CEP44: variants seen among roughly 807,000 people sequenced by gnomAD.
CEP44 encodes the protein centrosomal protein of 44 kDa.
In CEP44, 45 loss-of-function variants were observed where a neutral mutation model predicts 46.7. The observed-to-expected ratio is 0.96, with a 90% CI of 0.76 to 1.24. The LOEUF (loss-of-function observed/expected upper bound fraction) is 1.24. Among genes scored for constraint, CEP44 ranks in the 50% most tolerant of loss-of-function variants. The pLI, the probability that CEP44 is intolerant of heterozygous loss-of-function variation, is 0.00. For missense variants in CEP44, 475 were observed against 459.7 expected (o/e 1.03, Z -0.30); for synonymous variants, 142 against 146.0 (o/e 0.97, Z 0.20).
upstream of CEP44, chr4:174,283,745 C>A: frequency 5.0e-6 from 2 of 397,726 alleles, no homozygotes; most frequent in Non-Finnish European, 8.8e-6. This position sits in a 1 kb window ranked among gnomAD's most constrained non-coding sequence, Gnocchi z 6.7. Flanking sequence ...CTATAGATTC[C>A]TTGTTTCTCA....
At chr4:174,327,917 T>TAA (rs1301496605) in intron 8 of CEP44, among the ~76,000 whole-genome samples, 3 of 152,162 alleles carry the variant, frequency 2.0e-5, no homozygotes, top group African/African-American at 7.2e-5. Flanking sequence ...TATATGAATA[T>TAA]TAAAGTTGGA....
At chr4:174,320,681 G>T (rs1308834620), downstream of CEP44, among the ~76,000 whole-genome samples, 2 of 79,844 alleles carry the variant, frequency 2.5e-5, no homozygotes, top group Admixed American at 1.3e-4. Context: ...TACTGAGTGT[G>T]CTCTGTGTGT....
At chr4:174,320,331 A>T (rs1331258633), downstream of CEP44, 1 of 972,864 alleles carries the variant, frequency 1.0e-6, no homozygotes, top group Admixed American at 6.2e-5. Context: ...AAACGTTGGG[A>T]CTTTGTTTCA....
At position 174,329,074 on chromosome 4, in the gene CEP44, G is replaced by A. The variant is rs1731172861; in HGVS notation, c.1087-2408G>A. Among the ~76,000 whole-genome samples, 1 of 152,102 alleles carries A rather than the reference G, an allele frequency of 6.6e-6. No homozygotes were observed. The highest frequency in any genetic ancestry group is 2.4e-5 in the African/African-American group (1 of 41,426). ...CAATCCTCCCACAGCAGCCACGTGA[G>A]TAGCCAGAACTACAGATGTGTGCCA... On this transcript the variant is annotated intron_variant, in intron 8 of 8. Coordinates refer to the CEP44 transcript ENST00000426172. The surrounding 1 kb of genome is among the most constrained non-coding windows in gnomAD (Gnocchi z 4.0).
At position 174,317,819 on chromosome 4, in the gene CEP44, A is replaced by G; in HGVS notation, c.*436A>G. On this transcript the variant is annotated 3_prime_UTR_variant, in exon 12 of 12. Transcript: ENST00000503780. ...ACCATCTTGGCATCTGTACTGATGA[A>G]TAAGTTATAATGAACAGTTAAAAAT... 2.0e-6 allele frequency: 2 copies of G among 986,018 alleles called. No homozygotes were observed. Among genetic ancestry groups the G allele is most frequent in the South Asian group, 4.7e-5 (1 of 21,286 alleles). The allele number at this position is 986,018 out of a possible 1,614,324, so 61.1% of individuals were successfully genotyped here.
intron 6 of CEP44, among the ~76,000 whole-genome samples, chr4:174,306,370 C>G (rs1445451265): frequency 6.6e-6 from 1 of 151,944 alleles, no homozygotes; most frequent in East Asian, 1.9e-4. Flanking sequence ...ATTTGGCAAT[C>G]TTTTTTAAAA....
chr4:174,283,986 C>G lies in CEP44; in HGVS notation c.-148+43C>G, dbSNP rs938569561. ...ACCCACAATTCCAAATACAAACGGT[C>G]GGCGCGAGAAGCGCTTCTGGGCGCA... is the stretch of plus-strand genomic sequence containing the variant. On this transcript the variant is annotated intron_variant, in intron 1 of 11. Transcript: ENST00000503780. The surrounding 1 kb of genome is among the most constrained non-coding windows in gnomAD (Gnocchi z 6.7). The G allele has an allele frequency of 1.3e-5, 5 of 399,698 alleles. No individual in the cohort carries two copies. In the Admixed American group the frequency reaches 1.3e-4, roughly 11 times the overall value. 24.8% of individuals were successfully genotyped at this position (399,698 alleles called of 1,614,324 possible). A position where few individuals can be genotyped will look rare whatever the true frequency, so the allele number is the denominator to read the frequency against.
chr4:174,330,749 G>T (rs559413093), intron 8 of CEP44, among the ~76,000 whole-genome samples: 2 of 151,958 alleles, frequency 1.3e-5, no homozygotes, highest in Non-Finnish European at 2.9e-5. Flanking sequence ...CTTCTCTCCA[G>T]GGATTATGCC....
chr4:174,330,764 A>G (rs950287213), intron 8 of CEP44, among the ~76,000 whole-genome samples: 3 of 124,496 alleles, frequency 2.4e-5, no homozygotes, highest in African/African-American at 8.7e-5. Flanking sequence ...TATGCCAAGT[A>G]TGCACATGAA....
intron 1 of CEP44, among the ~76,000 whole-genome samples, chr4:174,291,067 A>G (rs563544305): frequency 2.6e-5 from 4 of 152,268 alleles, no homozygotes; most frequent in East Asian, 3.9e-4. Flanking sequence ...GATAGCGTAT[A>G]GTTGAGTGTT....
At chr4:174,293,859 G>A (rs185647470) in intron 1 of CEP44, among the ~76,000 whole-genome samples, 13 of 152,164 alleles carry the variant, frequency 8.5e-5, no homozygotes, top group Non-Finnish European at 1.5e-5. Context: ...GGACATCCTC[G>A]TGTTATTCCC....
rs1004477802 is a variant in CEP44 at position 174,301,214 on chromosome 4, A to G, written c.90-825A>G. Among the ~76,000 whole-genome samples, 3 of 152,316 alleles carry G rather than the reference A, an allele frequency of 2.0e-5. No individual in the cohort carries two copies. Among genetic ancestry groups the G allele is most frequent in the Admixed American group, 2.0e-4 (3 of 15,302 alleles). On this transcript the variant is annotated intron_variant, in intron 3 of 11. Transcript: ENST00000503780. This position sits in a 1 kb window ranked among gnomAD's most constrained non-coding sequence, Gnocchi z 4.3. The stretch of plus-strand genomic sequence containing the variant: ...CTTTATATAAGTACAAAATACTGCA[A>G]TTGAACAAATGTAACTGGCAAATTG...
intron 11 of CEP44, 21 bp from the exon 12 acceptor site, chr4:174,317,314 A>G: frequency 2.0e-6 from 2 of 986,614 alleles, no homozygotes; most frequent in Non-Finnish European, 1.4e-6. Context: ...TTTACTTAAT[A>G]TATTATTTAT....
rs760203338 is a variant in CEP44 at position 174,308,684 on chromosome 4, T to C, written c.508-5T>C. ...AGTGTTTCTTACATATTTTTCTCTATGCAGAAGAAAGCTGTGGTGATTCGT... is the reference window on the plus strand; with the variant it reads ...AGTGTTTCTTACATATTTTTCTCTACGCAGAAGAAAGCTGTGGTGATTCGT... On this transcript the variant is annotated splice_polypyrimidine_tract_variant and splice_region_variant and intron_variant, in intron 6 of 11. Transcript: ENST00000503780. The C allele has an allele frequency of 7.5e-6, 12 of 1,594,162 alleles. No individual in the cohort carries two copies. Among genetic ancestry groups the C allele is most frequent in the East Asian group, 2.2e-5 (1 of 44,496 alleles).
In CEP44 at chr4:174,319,291, A is replaced by T. The variant is rs868757742; in HGVS notation, c.*1908A>T. 1 of 974,330 alleles carries T rather than the reference A, an allele frequency of 1.0e-6. No individual in the cohort carries two copies. Among genetic ancestry groups the T allele is most frequent in the African/African-American group, 1.8e-5 (1 of 57,034 alleles). 60.4% of individuals were successfully genotyped at this position (974,330 alleles called of 1,614,324 possible). A position where few individuals can be genotyped will look rare whatever the true frequency, so the allele number is the denominator to read the frequency against. ...ATAAAAATTAAGAGGTTAAGAGGTT[A>T]TAGTTATAAGGGAAAAAACTTCTGT... On this transcript the variant is annotated 3_prime_UTR_variant, in exon 12 of 12. Coordinates refer to ENST00000503780, the MANE Select transcript of CEP44 (RefSeq NM_001040157.3).
At chr4:174,323,796 A>G (rs965884009), downstream of CEP44, among the ~76,000 whole-genome samples, 1 of 152,078 alleles carries the variant, frequency 6.6e-6, no homozygotes, top group Non-Finnish European at 1.5e-5. Flanking sequence ...AAGGGCACTC[A>G]TTGGGCATTC....
rs893438295 is a variant in CEP44 at position 174,318,809 on chromosome 4, T to G, written c.*1426T>G. The G allele has an allele frequency of 3.3e-5, 22 of 675,016 alleles. No homozygotes were observed. The highest frequency in any genetic ancestry group is 4.0e-5 in the Non-Finnish European group (22 of 549,390). The allele number at this position is 675,016 out of a possible 1,614,324, so 41.8% of individuals were successfully genotyped here. A position where few individuals can be genotyped will look rare whatever the true frequency, so the allele number is the denominator to read the frequency against. Reference sequence around the variant, plus strand: ...GAAAACATTTTTAGAATTCCTTTGTTTTTTTTTTTTTTCTTTTTGAAACAG... The same window carrying G: ...GAAAACATTTTTAGAATTCCTTTGTGTTTTTTTTTTTTCTTTTTGAAACAG... On this transcript the variant is annotated 3_prime_UTR_variant, in exon 12 of 12. Transcript: ENST00000503780.
chr4:174,330,529 T>C (rs1731266203), intron 8 of CEP44, among the ~76,000 whole-genome samples: 1 of 152,136 alleles, frequency 6.6e-6, no homozygotes, highest in African/African-American at 2.4e-5. Flanking sequence ...GTAATTTTTA[T>C]TCTTTTCATG....
At chr4:174,303,875 C>G (rs1328775109) in intron 5 of CEP44, 26 bp downstream of exon 5, 2 of 1,417,484 alleles carry the variant, frequency 1.4e-6, no homozygotes, top group Admixed American at 3.9e-5. Context: ...GATATTAATG[C>G]TGATGTATGC....
Sources: gnomAD v4.1 joint callset for allele counts (sites outside exome capture counted in the v4.1 genomes callset) on GRCh38, gnomAD v4.1.1 for gene constraint, Gnocchi (gnomAD v3.1) non-coding constraint, MANE v1.5 for transcripts, NCBI Gene and HGNC (gene_info 2026-07-23, HGNC 2026-07-21) for gene names.